The following TAF1B variants were observed in gnomAD, a reference collection of about 807,000 sequenced individuals.
The protein encoded by TAF1B is TATA box-binding protein-associated factor RNA polymerase I subunit B.
In TAF1B, 61 loss-of-function variants were observed where a neutral mutation model predicts 83.9. That is an observed-to-expected ratio of 0.73 (90% CI 0.59 to 0.90). The LOEUF is 0.90. Ranked by LOEUF, TAF1B falls within the 40% of genes least tolerant of loss-of-function variation. The probability of loss-of-function intolerance (pLI) is 0.00; values close to 1 mark genes in which losing one functional copy is unlikely to be tolerated. For missense variants in TAF1B, 625 were observed against 677.0 expected (o/e 0.92, Z 0.85); for synonymous variants, 221 against 224.6 (o/e 0.98, Z 0.14).
chr2:9,915,932 A>AGTG (rs1374401327), intron 12 of TAF1B, among the ~76,000 whole-genome samples: 1 of 152,250 alleles, frequency 6.6e-6, no homozygotes, highest in Non-Finnish European at 1.5e-5. Flanking sequence ...CAGCAATATG[A>AGTG]GTGAATCTTA....
At position 9,901,388 on chromosome 2, in the gene TAF1B, C is replaced by T. The variant is rs143955285; in HGVS notation, c.808-3471C>T. On this transcript the variant is annotated intron_variant, in intron 8 of 14. Coordinates refer to ENST00000263663, the MANE Select transcript of TAF1B (RefSeq NM_005680.3). ...AATTATTTTCTCCTCAATTCATATT[C>T]GAAAGAATAGTGGCCTCTTTGTCAC... Among the ~76,000 whole-genome samples, 245 of 152,212 alleles carry T rather than the reference C, an allele frequency of 1.6e-3. 1 individual carries two copies. Among genetic ancestry groups the T allele is most frequent in the African/African-American group, 5.6e-3 (233 of 41,552 alleles).
chr2:9,910,612 C>A, intron 9 of TAF1B, 124 bp from the exon 10 acceptor site: 2 of 736,264 alleles, frequency 2.7e-6, no homozygotes, highest in Non-Finnish European at 4.1e-6. Context: ...GTTTTATTCA[C>A]AAAATGTGGG....
At chr2:9,893,456 A>G (rs1158956134) in intron 8 of TAF1B, among the ~76,000 whole-genome samples, 2 of 152,256 alleles carry the variant, frequency 1.3e-5, no homozygotes, top group South Asian at 2.1e-4. Context: ...GGTACAGTAA[A>G]CCACTATGAA....
At chr2:9,907,963 C>T (rs1219068803) in intron 9 of TAF1B, among the ~76,000 whole-genome samples, 1 of 144,726 alleles carries the variant, frequency 6.9e-6, no homozygotes, top group Non-Finnish European at 1.5e-5. Flanking sequence ...CTCATCATTT[C>T]TTCCAGTTGC....
chr2:9,850,025 ATATGTGTGTG>A (rs201018306), intron 3 of TAF1B, among the ~76,000 whole-genome samples: 27,007 of 119,000 alleles, frequency 0.23, 3,033 homozygotes, highest in East Asian at 0.42. Flanking sequence ...ATATATATAT[ATATGTGTGTG>A]TGTGTGTGTG....
intron 5 of TAF1B, among the ~76,000 whole-genome samples, chr2:9,867,178 GAA>G (rs1664009297): frequency 1.3e-5 from 2 of 152,160 alleles, no homozygotes; most frequent in African/African-American, 2.4e-5. Context: ...GCAATGGAGA[GAA>G]AGAGTAGATG....
At chr2:9,917,454 A>G (rs1368655280) in intron 12 of TAF1B, among the ~76,000 whole-genome samples, 3 of 148,714 alleles carry the variant, frequency 2.0e-5, no homozygotes, top group Non-Finnish European at 4.5e-5. Context: ...GTTTTTCTGG[A>G]AAGTTCACAG....
Position 9,923,296 on chromosome 2 carries a change from G to A in TAF1B, c.1565+3476G>A, listed in dbSNP as rs1023156707. On this transcript the variant is annotated intron_variant, in intron 14 of 14. Transcript: ENST00000263663. Reference sequence around the variant, plus strand: ...GGTATCAATCAAAGATAATTGAACTGTAGAAAATACAGTGGGAGATGATAA... The same window carrying A: ...GGTATCAATCAAAGATAATTGAACTATAGAAAATACAGTGGGAGATGATAA... Among the ~76,000 whole-genome samples the A allele has an allele frequency of 3.3e-4, 50 of 151,346 alleles. 1 individual carries two copies. Among genetic ancestry groups the A allele is most frequent in the Non-Finnish European group, 2.9e-5 (2 of 67,878 alleles).
intron 12 of TAF1B, among the ~76,000 whole-genome samples, chr2:9,913,906 T>C (rs1665606960): frequency 6.6e-6 from 1 of 152,204 alleles, no homozygotes; most frequent in Non-Finnish European, 1.5e-5. Context: ...TTTGAGGCTT[T>C]GAAGAAAAAG....
intron 12 of TAF1B, among the ~76,000 whole-genome samples, chr2:9,916,259 A>T (rs1283217601): frequency 1.3e-5 from 2 of 152,246 alleles, no homozygotes; most frequent in Non-Finnish European, 2.9e-5. Flanking sequence ...GACAGACAAG[A>T]GAGAAATATA....
At chr2:9,856,255 A>G (rs1487362146) in intron 5 of TAF1B, among the ~76,000 whole-genome samples, 1 of 152,072 alleles carries the variant, frequency 6.6e-6, no homozygotes, top group Non-Finnish European at 1.5e-5. Context: ...GTGATGGTTA[A>G]ATGTTATCCT....
chr2:9,899,779 A>T (rs765503780), intron 8 of TAF1B, among the ~76,000 whole-genome samples: 1 of 152,210 alleles, frequency 6.6e-6, no homozygotes, highest in Non-Finnish European at 1.5e-5. Flanking sequence ...GAATGCCATT[A>T]ACATTTGCTA....
rs200359865 is a variant in TAF1B at position 9,919,710 on chromosome 2, T to C, written c.1455T>C (p.Asp485=). Reference sequence around the variant, plus strand: ...TCAACTGGACTGAAGAGGACACTGATAGAACGTGTTTCCATGGACACAGCC... The same window carrying C: ...TCAACTGGACTGAAGAGGACACTGACAGAACGTGTTTCCATGGACACAGCC... ...FQFNWTEEDT[D]RTCFHGHSLQ... is the part of the protein sequence containing the mutation. The change falls in exon 14 of 15, where the codon GAT becomes GAC. Residue 485 remains aspartate (D), a synonymous_variant. Transcript: ENST00000263663. 4 of 1,614,178 alleles carry C rather than the reference T, an allele frequency of 2.5e-6. No individual in the cohort carries two copies. Among genetic ancestry groups the C allele is most frequent in the Middle Eastern group, 1.6e-4 (1 of 6,062 alleles).
intron 5 of TAF1B, among the ~76,000 whole-genome samples, chr2:9,855,663 A>T (rs1663541594): frequency 6.6e-6 from 1 of 152,132 alleles, no homozygotes; most frequent in Non-Finnish European, 1.5e-5. Context: ...CAGCCTGGGC[A>T]ACAGAGTGAG....
chr2:9,888,876 T>G (rs1664775545), intron 8 of TAF1B, among the ~76,000 whole-genome samples: 1 of 144,858 alleles, frequency 6.9e-6, no homozygotes, highest in African/African-American at 2.6e-5. Flanking sequence ...TGATCCCGGC[T>G]CACTGCAACC....
intron 9 of TAF1B, among the ~76,000 whole-genome samples, chr2:9,905,930 A>T (rs1665326939): frequency 6.6e-6 from 1 of 152,196 alleles, no homozygotes; most frequent in Non-Finnish European, 1.5e-5. Context: ...AAGCTAAGGA[A>T]TATGGCTCTT....
At chr2:9,875,243 C>T (rs1050142651) in intron 6 of TAF1B, among the ~76,000 whole-genome samples, 1 of 152,188 alleles carries the variant, frequency 6.6e-6, no homozygotes, top group Non-Finnish European at 1.5e-5. Flanking sequence ...GGATTACAGG[C>T]GTGAGCCACT....
At chr2:9,869,181 G>A (rs1342580871) in intron 6 of TAF1B, among the ~76,000 whole-genome samples, 3 of 151,974 alleles carry the variant, frequency 2.0e-5, no homozygotes, top group African/African-American at 7.3e-5. Flanking sequence ...TGATTGTTTT[G>A]TTTACCTATG....
chr2:9,924,640 A>C (rs752081989), intron 14 of TAF1B, among the ~76,000 whole-genome samples: 35 of 152,250 alleles, frequency 2.3e-4, no homozygotes, highest in Non-Finnish European at 3.2e-4. Flanking sequence ...TAATAATATC[A>C]TTGTAAAGGC....
Sources: allele counts gnomAD v4.1 joint callset (sites outside exome capture counted in the v4.1 genomes callset), GRCh38; gene constraint gnomAD v4.1.1; transcripts MANE v1.5; gene names NCBI Gene and HGNC (gene_info 2026-07-23, HGNC 2026-07-21).